The following ELMO1 variants were observed in gnomAD, a reference collection of about 807,000 sequenced individuals.
ELMO1 encodes the protein engulfment and cell motility 1, also known as engulfment and cell motility protein 1.
In ELMO1, 26 loss-of-function variants were observed where a neutral mutation model predicts 98.9. The observed-to-expected ratio is 0.26, with a 90% CI of 0.19 to 0.36. The LOEUF is 0.36. ELMO1 is among the 10% of genes least tolerant of loss of function. The pLI, the probability that ELMO1 is intolerant of heterozygous loss-of-function variation, is 1.00. For synonymous variants in ELMO1, 346 were observed against 346.0 expected (o/e 1.00, Z 0.00); for missense variants, 627 against 935.2 (o/e 0.67, Z 4.30).
chr7:37,217,644 GGTGGACAGGA>G (rs1190833381), intron 10 of ELMO1: 1 of 455,632 alleles, frequency 2.2e-6, no homozygotes, highest in East Asian at 7.0e-5. Context: ...TACAAGCAGG[GGTGGACAGGA>G]GCAGCACAGG....
chr7:36,949,361 C>T (rs1787779293), intron 16 of ELMO1, among the ~76,000 whole-genome samples: 1 of 152,086 alleles, frequency 6.6e-6, no homozygotes, highest in Admixed American at 6.6e-5. Context: ...TTCACGGAGA[C>T]TCACACAAGA....
chr7:37,257,205 C>A (rs1032267066), intron 6 of ELMO1, among the ~76,000 whole-genome samples: 3 of 152,144 alleles, frequency 2.0e-5, no homozygotes, highest in Non-Finnish European at 4.4e-5. Context: ...GCAAGCTCCC[C>A]GGCAGGAAGG....
In ELMO1 at chr7:37,135,408, G is replaced by A. The variant is rs191061013; in HGVS notation, c.1087-2174C>T. Among the ~76,000 whole-genome samples, 68 of 152,284 alleles carry A rather than the reference G, an allele frequency of 4.5e-4. No individual in the cohort carries two copies. In the South Asian group the frequency reaches 7.0e-3, roughly 16 times the overall value. ...CCTTTGAAGGAACTGGATCACCACC[G>A]CAGGCTCCCTGGGAGGCAACCAGCA... On this transcript the variant is annotated intron_variant, in intron 13 of 21. Transcript: ENST00000310758.
chr7:37,239,773 G>A (rs531392336), intron 7 of ELMO1, among the ~76,000 whole-genome samples: 1 of 152,320 alleles, frequency 6.6e-6, no homozygotes, highest in South Asian at 2.1e-4. Flanking sequence ...GCCTCTTAGA[G>A]GAATCCCATA....
intron 16 of ELMO1, among the ~76,000 whole-genome samples, chr7:37,000,601 C>G (rs141324970): frequency 6.6e-6 from 1 of 152,124 alleles, no homozygotes; most frequent in Non-Finnish European, 1.5e-5. Flanking sequence ...TTGTGAACGG[C>G]ATGATGTGTT....
chr7:37,419,903 A>T (rs1028406135), intron 1 of ELMO1: 2 of 152,214 alleles, frequency 1.3e-5, no homozygotes, highest in Non-Finnish European at 2.9e-5. Context: ...AATTGAGTTC[A>T]CACTATTTCA....
chr7:37,190,705 G>A lies in ELMO1; in HGVS notation c.1086+20681C>T, dbSNP rs190745119. Among the ~76,000 whole-genome samples the A allele has an allele frequency of 5.1e-3, 774 of 152,086 alleles. 3 individuals are homozygous for A. The highest frequency in any genetic ancestry group is 9.2e-3 in the Non-Finnish European group (625 of 67,986). ...AGTAGAGATGAAGTTTCACCATGTTGGCCAGGCTGGTGTCAAACTCCTGAC... is the reference window on the plus strand; with the variant it reads ...AGTAGAGATGAAGTTTCACCATGTTAGCCAGGCTGGTGTCAAACTCCTGAC... On this transcript the variant is annotated intron_variant, in intron 13 of 21. Coordinates refer to ENST00000310758, the MANE Select transcript of ELMO1 (RefSeq NM_014800.11).
rs58502667 is a variant in ELMO1, at chr7:37,247,895, A to ATGTGTGTGTGTGTGTGTGTGTGTG, written c.414-3528_414-3505dup. 3.1e-4 allele frequency among the ~76,000 whole-genome samples: 45 copies of ATGTGTGTGTGTGTGTGTGTGTGTG among 146,640 alleles called. 1 individual carries two copies. Among genetic ancestry groups the ATGTGTGTGTGTGTGTGTGTGTGTG allele is most frequent in the African/African-American group, 1.0e-3 (40 of 40,022 alleles). Reference sequence around the variant, plus strand: ...AAGTTTAAAATGGTTTTGAAATAAAATGTGTGTGTGTGTGTGTGTGTGTGT... The same window carrying ATGTGTGTGTGTGTGTGTGTGTGTG: ...AAGTTTAAAATGGTTTTGAAATAAAATGTGTGTGTGTGTGTGTGTGTGTGTGTGTGTGTGTGTGTGTGTGTGTGT... On this transcript the variant is annotated intron_variant, in intron 6 of 21. Transcript: ENST00000310758.
chr7:37,059,889 C>G (rs1327769359), intron 15 of ELMO1, among the ~76,000 whole-genome samples: 1 of 152,214 alleles, frequency 6.6e-6, no homozygotes, highest in Non-Finnish European at 1.5e-5. Context: ...CAGGGGCAGG[C>G]ACAGAACTAC....
At chr7:37,090,674 C>T (rs968402554) in intron 15 of ELMO1, among the ~76,000 whole-genome samples, 2 of 152,212 alleles carry the variant, frequency 1.3e-5, no homozygotes, top group South Asian at 2.1e-4. Flanking sequence ...GTGAACCCCA[C>T]GTGCAGGTAT....
intron 16 of ELMO1, among the ~76,000 whole-genome samples, chr7:36,987,425 G>T (rs574046637): frequency 7.0e-4 from 107 of 152,310 alleles, no homozygotes; most frequent in Non-Finnish European, 1.2e-3. Context: ...ATGGAAAATG[G>T]TAAGTGTCAC....
intron 16 of ELMO1, among the ~76,000 whole-genome samples, chr7:36,975,686 A>G (rs1790468860): frequency 6.6e-6 from 1 of 151,510 alleles, no homozygotes; most frequent in Non-Finnish European, 1.5e-5. Flanking sequence ...GTCTCTACTA[A>G]AAATAGAAAA....
chr7:37,001,188 A>C (rs1211920485), intron 16 of ELMO1, among the ~76,000 whole-genome samples: 1 of 152,190 alleles, frequency 6.6e-6, no homozygotes, highest in Non-Finnish European at 1.5e-5. Context: ...GGGGTCTAGA[A>C]GTGTTTCTCA....
intron 15 of ELMO1, among the ~76,000 whole-genome samples, chr7:37,032,042 T>C (rs888062826): frequency 6.6e-6 from 1 of 152,096 alleles, no homozygotes; most frequent in African/African-American, 2.4e-5. Context: ...AAAATATACT[T>C]GTTTGGCTTG....
At chr7:37,363,785 C>T (rs1377568158) in intron 1 of ELMO1, among the ~76,000 whole-genome samples, 1 of 152,134 alleles carries the variant, frequency 6.6e-6, no homozygotes, top group African/African-American at 2.4e-5. Context: ...TCAGAAATCA[C>T]GTGACCATAA....
chr7:36,993,978 G>A (rs2129154553), intron 16 of ELMO1, among the ~76,000 whole-genome samples: 1 of 152,290 alleles, frequency 6.6e-6, no homozygotes. Flanking sequence ...GGACCTCTCA[G>A]CTATTCTGAA....
rs149102433 is a variant in ELMO1, at chr7:36,980,412, C to T, written c.1437+32887G>A. Among the ~76,000 whole-genome samples the T allele has an allele frequency of 2.0e-4, 30 of 152,258 alleles. No homozygotes were observed. In the East Asian group the frequency reaches 3.1e-3, roughly 16 times the overall value. ...TGGAACATGGGCGCCAGAAGACAGACGGATAGATAGTTCAGAAGTTTGACG... is the reference window on the plus strand; with the variant it reads ...TGGAACATGGGCGCCAGAAGACAGATGGATAGATAGTTCAGAAGTTTGACG... On this transcript the variant is annotated intron_variant, in intron 16 of 21. Transcript: ENST00000310758.
chr7:37,373,988 G>A (rs968594645), intron 1 of ELMO1, among the ~76,000 whole-genome samples: 6 of 152,184 alleles, frequency 3.9e-5, no homozygotes, highest in South Asian at 4.1e-4. Context: ...GTTGGATTTC[G>A]TTACTTATTT....
At chr7:37,099,827 A>G (rs1348951735) in intron 14 of ELMO1, among the ~76,000 whole-genome samples, 4 of 150,672 alleles carry the variant, frequency 2.7e-5, no homozygotes, top group Non-Finnish European at 5.9e-5. Context: ...TCAGTCCTGG[A>G]GTTCAATTTT....
Sources: allele counts gnomAD v4.1 joint callset (sites outside exome capture counted in the v4.1 genomes callset), GRCh38; gene constraint gnomAD v4.1.1; transcripts MANE v1.5; gene names NCBI Gene and HGNC (gene_info 2026-07-23, HGNC 2026-07-21).